Variants in LRCH1 observed in about 807,000 individuals in gnomAD.
The protein encoded by LRCH1 is leucine rich repeats and calponin homology domain containing 1.
LRCH1 carries 23 observed loss-of-function variants against 94.9 expected under a neutral mutation model. The ratio of observed to expected loss-of-function variants is 0.24; its 90% CI spans 0.17 to 0.34. The LOEUF (loss-of-function observed/expected upper bound fraction) is 0.34, where lower values mean the gene tolerates loss of function less well. Among genes scored for constraint, LRCH1 ranks in the 10% least tolerant of loss-of-function variants. The pLI is 1.00. For synonymous variants in LRCH1, 364 were observed against 354.9 expected (o/e 1.03, Z -0.29); for missense variants, 790 against 945.9 (o/e 0.84, Z 2.16).
chr13:46,641,926 C>T (rs907891676), intron 1 of LRCH1, among the ~76,000 whole-genome samples: 2 of 152,166 alleles, frequency 1.3e-5, no homozygotes. Context: ...TCTGGCTGCT[C>T]GGCTTTCATG....
intron 1 of LRCH1, among the ~76,000 whole-genome samples, chr13:46,631,545 G>C (rs1047894919): frequency 2.0e-5 from 3 of 152,164 alleles, no homozygotes; most frequent in African/African-American, 7.2e-5. Flanking sequence ...TCTGAAGCTA[G>C]AGAACTTGAG....
chr13:46,565,107 T>C (rs752552091), intron 1 of LRCH1, among the ~76,000 whole-genome samples: 2 of 152,224 alleles, frequency 1.3e-5, no homozygotes, highest in Non-Finnish European at 2.9e-5. Context: ...TATAGAATTA[T>C]TGTGAGGAAC....
chr13:46,666,228 A>T (rs180671493), intron 2 of LRCH1, among the ~76,000 whole-genome samples: 16 of 152,350 alleles, frequency 1.1e-4, no homozygotes, highest in African/African-American at 3.6e-4. Flanking sequence ...AGCAGCTTTT[A>T]GTGTAAAAAG....
chr13:46,655,493 C>G (rs558205602), intron 2 of LRCH1, among the ~76,000 whole-genome samples: 1 of 152,206 alleles, frequency 6.6e-6, no homozygotes, highest in Non-Finnish European at 1.5e-5. Flanking sequence ...GTATATGTGC[C>G]ACTGTGTCTT....
chr13:46,678,647 C>T (rs61948270), intron 3 of LRCH1, among the ~76,000 whole-genome samples: 17,007 of 152,132 alleles, frequency 0.11, 1,159 homozygotes, highest in Non-Finnish European at 0.14. Flanking sequence ...TTGTATTTAT[C>T]GTTACAGGAA....
chr13:46,599,059 A>G (rs1296069430), intron 1 of LRCH1, among the ~76,000 whole-genome samples: 42 of 152,092 alleles, frequency 2.8e-4, no homozygotes, highest in Non-Finnish European at 1.5e-5. Flanking sequence ...TGACTACCCT[A>G]GGTACCTTAT....
At chr13:46,671,465 C>T (rs1169243070) in intron 3 of LRCH1, among the ~76,000 whole-genome samples, 1 of 152,162 alleles carries the variant, frequency 6.6e-6, no homozygotes, top group Non-Finnish European at 1.5e-5. Flanking sequence ...GAAGGTGAAC[C>T]TGGAAAGATG....
intron 1 of LRCH1, among the ~76,000 whole-genome samples, chr13:46,610,732 T>C (rs1011839953): frequency 6.6e-6 from 1 of 152,246 alleles, no homozygotes; most frequent in African/African-American, 2.4e-5. Flanking sequence ...ATCCACTTGT[T>C]GACTGATAGG....
intron 1 of LRCH1, among the ~76,000 whole-genome samples, chr13:46,567,492 TTGTGTGTGTGTGTG>T (rs35848521): frequency 1.4e-5 from 2 of 141,866 alleles, no homozygotes; most frequent in Non-Finnish European, 3.1e-5. Context: ...TAAGGCAATT[TTGTGTGTGTGTGTG>T]TGTGTGTGTG....
intron 1 of LRCH1, among the ~76,000 whole-genome samples, chr13:46,568,480 A>G (rs1207440727): frequency 6.6e-6 from 1 of 152,224 alleles, no homozygotes; most frequent in African/African-American, 2.4e-5. Flanking sequence ...CCAGCTACCC[A>G]TATTGCTGTC....
intron 1 of LRCH1, among the ~76,000 whole-genome samples, chr13:46,600,714 T>C (rs563582345): frequency 1.3e-4 from 20 of 152,062 alleles, no homozygotes; most frequent in African/African-American, 2.4e-4. Context: ...AGGATATGTG[T>C]TTCCATTTAA....
In LRCH1 at chr13:46,709,614, C is replaced by T. The variant is rs1871952309; in HGVS notation, c.1528-2177C>T. On this transcript the variant is annotated intron_variant, in intron 13 of 19. Coordinates refer to ENST00000389797, the MANE Select transcript of LRCH1 (RefSeq NM_001164211.2). The stretch of plus-strand genomic sequence containing the variant: ...TTAAAAACGCATATATACCTGTGCC[C>T]ATGATTTCGGGAGTCCCTAGAAGAC... Among the ~76,000 whole-genome samples, 3 of 151,842 alleles carry T rather than the reference C, an allele frequency of 2.0e-5. No homozygotes were observed. The South Asian group carries it at 6.2e-4, about 32-fold the overall frequency.
At chr13:46,685,817 A>C (rs1015093123) in intron 4 of LRCH1, 88 bp from the exon 5 acceptor site, 87 of 943,582 alleles carry the variant, frequency 9.2e-5, no homozygotes, top group Non-Finnish European at 1.2e-4. Context: ...CCTGAGAAGC[A>C]GAACATTAAT....
chr13:46,752,398 A>T (rs1365362669), exon 19 of LRCH1: 2 of 152,258 alleles, frequency 1.3e-5, no homozygotes, highest in African/African-American at 4.8e-5. Context: ...ACCAACATCA[A>T]CCAAGGCAAT....
chr13:46,565,835 A>ATAATAG (rs2050177550), intron 1 of LRCH1, among the ~76,000 whole-genome samples: 1 of 148,584 alleles, frequency 6.7e-6, no homozygotes, highest in Non-Finnish European at 1.5e-5. Flanking sequence ...AATAATAATA[A>ATAATAG]TAATAATAAT....
chr13:46,611,740 T>C (rs1158525374), intron 1 of LRCH1, among the ~76,000 whole-genome samples: 1 of 152,226 alleles, frequency 6.6e-6, no homozygotes, highest in Non-Finnish European at 1.5e-5. Context: ...GATTATTTGT[T>C]GAGATGATAA....
chr13:46,577,658 A>C (rs985041434), intron 1 of LRCH1, among the ~76,000 whole-genome samples: 1 of 152,216 alleles, frequency 6.6e-6, no homozygotes, highest in African/African-American at 2.4e-5. Context: ...TTGTAGCATG[A>C]GTGAGAGAAG....
Position 46,742,383 on chromosome 13 carries a change from T to G in LRCH1, c.*535T>G. On this transcript the variant is annotated 3_prime_UTR_variant, in exon 20 of 20. Transcript: ENST00000389797. ...TTAATAATACCACTACTGACCAAGTTGGACGTGTACACGTACTCACACTGC... is the reference window on the plus strand; with the variant it reads ...TTAATAATACCACTACTGACCAAGTGGGACGTGTACACGTACTCACACTGC... 4 of 993,338 alleles carry G rather than the reference T, an allele frequency of 4.0e-6. No homozygotes were observed. The highest frequency in any genetic ancestry group is 4.8e-6 in the Non-Finnish European group (4 of 834,440). The allele number at this position is 993,338 out of a possible 1,614,324, so 61.5% of individuals were successfully genotyped here.
chr13:46,641,957 C>T (rs548320217), intron 1 of LRCH1, among the ~76,000 whole-genome samples: 37 of 152,282 alleles, frequency 2.4e-4, no homozygotes, highest in African/African-American at 8.2e-4. Flanking sequence ...CATTAAGAGG[C>T]GGACGTGGGG....
Sources: gnomAD v4.1 joint callset for allele counts (sites outside exome capture counted in the v4.1 genomes callset) on GRCh38, gnomAD v4.1.1 for gene constraint, MANE v1.5 for transcripts, NCBI Gene and HGNC (gene_info 2026-07-23, HGNC 2026-07-21) for gene names.